The following ZNRF2 variants were observed in gnomAD, a reference collection of about 807,000 sequenced individuals.
ZNRF2 encodes the protein E3 ubiquitin-protein ligase ZNRF2.
A neutral mutation model predicts 20.4 loss-of-function variants in ZNRF2; 16 were observed. The ratio of observed to expected loss-of-function variants is 0.79; its 90% CI spans 0.53 to 1.19. The LOEUF (loss-of-function observed/expected upper bound fraction) is 1.19, where lower values mean the gene tolerates loss of function less well. ZNRF2 is among the 50% of genes most tolerant of loss of function. The pLI is 0.00. For missense variants in ZNRF2, 363 were observed against 332.4 expected (o/e 1.09, Z -0.72); for synonymous variants, 178 against 144.9 (o/e 1.23, Z -1.64).
At chr7:30,331,439 T>C (rs1420230328) in intron 2 of ZNRF2, among the ~76,000 whole-genome samples, 1 of 152,172 alleles carries the variant, frequency 6.6e-6, no homozygotes, top group Non-Finnish European at 1.5e-5. Flanking sequence ...GCTGAATAGA[T>C]AGGTTAAGTG....
intron 1 of ZNRF2, among the ~76,000 whole-genome samples, chr7:30,298,843 G>A (rs1331977677): frequency 1.3e-5 from 2 of 152,110 alleles, no homozygotes; most frequent in East Asian, 3.9e-4. Context: ...TGCTTCCAGG[G>A]ATATCTTGTG....
At chr7:30,319,855 CTT>C (rs1206643867) in intron 1 of ZNRF2, among the ~76,000 whole-genome samples, 1 of 152,210 alleles carries the variant, frequency 6.6e-6, no homozygotes, top group Non-Finnish European at 1.5e-5. Context: ...CACAGTCTCT[CTT>C]GGCCTTTTAT....
chr7:30,309,535 T>C (rs1488323759), intron 1 of ZNRF2, among the ~76,000 whole-genome samples: 1 of 152,214 alleles, frequency 6.6e-6, no homozygotes, highest in African/African-American at 2.4e-5. Context: ...GCTGTGGTAT[T>C]GTGCAGAGTT....
intron 1 of ZNRF2, among the ~76,000 whole-genome samples, chr7:30,319,048 G>A (rs1173467814): frequency 6.6e-6 from 1 of 151,774 alleles, no homozygotes; most frequent in Non-Finnish European, 1.5e-5. Flanking sequence ...GGGGGTGGAG[G>A]TTGCAGTGAG....
chr7:30,319,939 T>C (rs1324707172), intron 1 of ZNRF2, among the ~76,000 whole-genome samples: 1 of 152,230 alleles, frequency 6.6e-6, no homozygotes, highest in East Asian at 1.9e-4. Flanking sequence ...TTTACATTTG[T>C]AATATTTAGT....
intron 2 of ZNRF2, 85 bp downstream of exon 2, chr7:30,323,822 G>A (rs1282945895): frequency 1.7e-5 from 16 of 928,952 alleles, no homozygotes; most frequent in Non-Finnish European, 2.3e-5. Context: ...AATTTAAAAG[G>A]AGGGAAGGAC....
intron 2 of ZNRF2, among the ~76,000 whole-genome samples, chr7:30,353,112 CA>C (rs910381763): frequency 1.1e-4 from 16 of 152,124 alleles, no homozygotes; most frequent in African/African-American, 3.6e-4. Context: ...CTAGTGGAAA[CA>C]AGACTTTAAA....
At chr7:30,355,978 A>T (rs1251904747) in intron 3 of ZNRF2, 145 bp downstream of exon 3, 2 of 569,836 alleles carry the variant, frequency 3.5e-6, no homozygotes, top group Admixed American at 6.5e-5. Context: ...TTTTTTCTCT[A>T]TTTGAACTAA....
At chr7:30,330,893 T>A (rs540875098) in intron 2 of ZNRF2, among the ~76,000 whole-genome samples, 47 of 152,340 alleles carry the variant, frequency 3.1e-4, no homozygotes, top group African/African-American at 1.1e-3. Context: ...TGATTTGACG[T>A]CTCTGTTCAT....
At chr7:30,299,295 T>C (rs1192748886) in intron 1 of ZNRF2, among the ~76,000 whole-genome samples, 6 of 152,006 alleles carry the variant, frequency 3.9e-5, no homozygotes, top group Non-Finnish European at 8.8e-5. Context: ...GACGCATGCC[T>C]GTAATCCCAG....
intron 2 of ZNRF2, among the ~76,000 whole-genome samples, chr7:30,324,491 G>A (rs984803069): frequency 5.3e-5 from 8 of 151,290 alleles, no homozygotes; most frequent in Non-Finnish European, 1.0e-4. Context: ...GAAAGTTGTA[G>A]TGAGCCGAGA....
intron 2 of ZNRF2, among the ~76,000 whole-genome samples, chr7:30,325,327 T>C (rs1325796474): frequency 1.3e-5 from 2 of 152,162 alleles, no homozygotes; most frequent in African/African-American, 2.4e-5. Flanking sequence ...AATTGAAAGA[T>C]TGGCTAAATT....
intron 1 of ZNRF2, among the ~76,000 whole-genome samples, chr7:30,295,050 A>AGAGAGAGAGTGTGT: frequency 5.0e-4 from 19 of 38,276 alleles, no homozygotes; most frequent in Non-Finnish European, 6.7e-4. Context: ...AGAGAGAGAG[A>AGAGAGAGAGTGTGT]GTGTGTGTGT....
intron 1 of ZNRF2, among the ~76,000 whole-genome samples, chr7:30,321,046 G>A (rs912057885): frequency 3.3e-5 from 5 of 152,030 alleles, no homozygotes; most frequent in African/African-American, 7.2e-5. Context: ...TTTTCAGTTC[G>A]GAGATCTTTA....
intron 3 of ZNRF2, among the ~76,000 whole-genome samples, chr7:30,356,699 A>T (rs1018535016): frequency 7.1e-4 from 52 of 73,236 alleles, no homozygotes; most frequent in African/African-American, 2.2e-3. Flanking sequence ...ATAACATTGT[A>T]TTTTTTTTTT....
intron 2 of ZNRF2, among the ~76,000 whole-genome samples, chr7:30,335,040 A>AAT (rs1799695709): frequency 6.6e-6 from 1 of 152,192 alleles, no homozygotes; most frequent in African/African-American, 2.4e-5. Context: ...GAGAAAATAA[A>AAT]AATAATTAGT....
rs1327270525 is a variant in ZNRF2, at chr7:30,348,988, A to T, written c.566-6740A>T. Among the ~76,000 whole-genome samples the T allele has an allele frequency of 2.6e-5, 4 of 152,176 alleles. No individual in the cohort carries two copies. In the South Asian group the frequency reaches 6.2e-4, roughly 24 times the overall value. On this transcript the variant is annotated intron_variant, in intron 2 of 4. Transcript: ENST00000323037. Reference sequence around the variant, plus strand: ...ATTCATTCTAACAAAATGATATCGAATCCAGATTTATAAATGTAATGATAG... The same window carrying T: ...ATTCATTCTAACAAAATGATATCGATTCCAGATTTATAAATGTAATGATAG...
intron 1 of ZNRF2, among the ~76,000 whole-genome samples, chr7:30,317,977 T>C (rs1383202267): frequency 6.6e-6 from 1 of 152,206 alleles, no homozygotes; most frequent in African/African-American, 2.4e-5. Flanking sequence ...GTCATATTCA[T>C]TGCATTTCTA....
At position 30,320,853 on chromosome 7, in the gene ZNRF2, A is replaced by G. The variant is rs143584930; in HGVS notation, c.470-2789A>G. ...CTTCTGATGTGTTTAACCATGATAC[A>G]TTTTTTTTCTTTTGTTGCATAATGC... On this transcript the variant is annotated intron_variant, in intron 1 of 4. Transcript: ENST00000323037. 8.4e-3 allele frequency among the ~76,000 whole-genome samples: 1,270 copies of G among 151,952 alleles called. 12 individuals are homozygous for G. Among genetic ancestry groups the G allele is most frequent in the African/African-American group, 0.029 (1,196 of 41,416 alleles).
Sources: gnomAD v4.1 joint callset for allele counts (sites outside exome capture counted in the v4.1 genomes callset) on GRCh38, gnomAD v4.1.1 for gene constraint, MANE v1.5 for transcripts, NCBI Gene and HGNC (gene_info 2026-07-23, HGNC 2026-07-21) for gene names.